ZNF462: variants seen among roughly 807,000 people sequenced by gnomAD.
The protein encoded by ZNF462 is zinc finger PBX1-interacting protein.
A neutral mutation model predicts 201.9 loss-of-function variants in ZNF462; 10 were observed. That is an observed-to-expected ratio of 0.05 (90% CI 0.03 to 0.08). The LOEUF (loss-of-function observed/expected upper bound fraction) is 0.08. ZNF462 is among the 10% of genes least tolerant of loss of function. The pLI is 1.00. For missense variants in ZNF462, 2,523 were observed against 3,168.3 expected (o/e 0.80, Z 4.89); for synonymous variants, 1,227 against 1,193.3 (o/e 1.03, Z -0.58).
intron 10 of ZNF462, among the ~76,000 whole-genome samples, chr9:107,001,352 A>G (rs2132612416): frequency 6.6e-6 from 1 of 152,300 alleles, no homozygotes; most frequent in Middle Eastern, 3.4e-3. Context: ...AAGCATTCCC[A>G]AGAGCCAAAA....
At chr9:106,881,707 A>C (rs563593442) in intron 1 of ZNF462, among the ~76,000 whole-genome samples, 33 of 152,238 alleles carry the variant, frequency 2.2e-4, no homozygotes, top group Admixed American at 9.8e-4. Context: ...GTACTGGTAA[A>C]ATTGACAAAC....
chr9:106,879,684 A>AT (rs1828006296), intron 1 of ZNF462, among the ~76,000 whole-genome samples: 1 of 152,166 alleles, frequency 6.6e-6, no homozygotes, highest in Non-Finnish European at 1.5e-5. Context: ...TGTAGTTGGT[A>AT]GAAGCCTGCA....
At position 107,009,432 on chromosome 9, in the gene ZNF462, A is replaced by T; in HGVS notation, c.7190-113A>T. The T allele has an allele frequency of 1.4e-6, 2 of 1,414,852 alleles. No individual in the cohort carries two copies. The highest frequency in any genetic ancestry group is 1.9e-6 in the Non-Finnish European group (2 of 1,044,138). The allele number at this position is 1,414,852 out of a possible 1,614,324, so 87.6% of individuals were successfully genotyped here. On this transcript the variant is annotated intron_variant, in intron 11 of 12. Coordinates refer to ENST00000277225, the MANE Select transcript of ZNF462 (RefSeq NM_021224.6). This position sits in a 1 kb window ranked among gnomAD's most constrained non-coding sequence, Gnocchi z 6.1. ...AGTGAGGAATCTGGAAATTGCTTTC[A>T]CCACATGGCTTTATCAGTGAAGGTA...
chr9:106,960,738 C>T (rs1831796294), intron 7 of ZNF462, among the ~76,000 whole-genome samples: 1 of 152,068 alleles, frequency 6.6e-6, no homozygotes, highest in South Asian at 2.1e-4. Flanking sequence ...TTTAAGAACA[C>T]ACACTTTGAA....
At chr9:106,988,917 C>A (rs906275732) in intron 10 of ZNF462, among the ~76,000 whole-genome samples, 1 of 152,068 alleles carries the variant, frequency 6.6e-6, no homozygotes, top group Non-Finnish European at 1.5e-5. Flanking sequence ...ATTCCTTTAT[C>A]GGTTCTAGGA....
rs1830379076 is a variant in ZNF462, at chr9:106,930,434, TAA to T, written c.5848-88_5848-87del. On this transcript the variant is annotated intron_variant, in intron 3 of 12. Coordinates refer to ENST00000277225, the MANE Select transcript of ZNF462 (RefSeq NM_021224.6). This position sits in a 1 kb window ranked among gnomAD's most constrained non-coding sequence, Gnocchi z 5.8. ...TGGTTTTTAACCTGCTAATCGGCTTTAAAATAAAGTATGTTAGTAAACTGCAA... is the reference window on the plus strand; with the variant it reads ...TGGTTTTTAACCTGCTAATCGGCTTTAATAAAGTATGTTAGTAAACTGCAA... The T allele has an allele frequency of 2.0e-6, 3 of 1,519,248 alleles. No individual in the cohort carries two copies. The highest frequency in any genetic ancestry group is 2.7e-6 in the Non-Finnish European group (3 of 1,122,040). The allele number at this position is 1,519,248 out of a possible 1,614,324, so 94.1% of individuals were successfully genotyped here.
At position 106,930,488 on chromosome 9, in the gene ZNF462, G is replaced by A. The variant is rs1349377170; in HGVS notation, c.5848-37G>A. The A allele has an allele frequency of 6.2e-7, 1 of 1,605,490 alleles. No individual in the cohort carries two copies. The highest frequency in any genetic ancestry group is 8.5e-7 in the Non-Finnish European group (1 of 1,173,460). ...AATAAATTCTGACAATTGAGGGAGG[G>A]CTCGGAGTACTGATGGCTACCACTG... On this transcript the variant is annotated intron_variant, in intron 3 of 12. Coordinates refer to ENST00000277225, the MANE Select transcript of ZNF462 (RefSeq NM_021224.6). This position sits in a 1 kb window ranked among gnomAD's most constrained non-coding sequence, Gnocchi z 5.8.
In ZNF462 at chr9:106,928,640, C is replaced by T. The variant is rs2131503573; in HGVS notation, c.4728C>T (p.Ala1576=). The T allele has an allele frequency of 1.2e-6, 2 of 1,614,166 alleles. No homozygotes were observed. The highest frequency in any genetic ancestry group is 1.7e-6 in the Non-Finnish European group (2 of 1,180,040). ...GGATCTTCAAGCAAGGGTATGGCGC[C>T]TACCGGTGCAAACTGTGTCCGTACA... is the stretch of plus-strand genomic sequence containing the variant. ...TSRIFKQGYG[A]YRCKLCPYTH... Residue 1576 remains alanine, a synonymous_variant, in exon 3 of 13, where the codon GCC becomes GCT. Transcript: ENST00000277225. The surrounding 1 kb of genome is among the most constrained non-coding windows in gnomAD (Gnocchi z 9.3).
intron 1 of ZNF462, among the ~76,000 whole-genome samples, chr9:106,914,625 C>T (rs918329765): frequency 6.6e-5 from 10 of 152,148 alleles, no homozygotes; most frequent in African/African-American, 2.4e-4. Flanking sequence ...TTTCTGAGTA[C>T]CTGTTGAGTA....
Position 106,930,510 on chromosome 9 carries a change from A to G in ZNF462, c.5848-15A>G, listed in dbSNP as rs1348439150. On this transcript the variant is annotated splice_polypyrimidine_tract_variant and intron_variant, in intron 3 of 12. Coordinates refer to ENST00000277225, the MANE Select transcript of ZNF462 (RefSeq NM_021224.6). The surrounding 1 kb of genome is among the most constrained non-coding windows in gnomAD (Gnocchi z 5.8). ...AGGGCTCGGAGTACTGATGGCTACC[A>G]CTGTATTTTACCAGCCTTTTGGTCA... 1 of 1,613,734 alleles carries G rather than the reference A, an allele frequency of 6.2e-7. No individual in the cohort carries two copies. Among genetic ancestry groups the G allele is most frequent in the Admixed American group, 1.7e-5 (1 of 59,994 alleles).
chr9:106,863,219 C>A lies in ZNF462; in HGVS notation c.-167C>A. ...AGATGGCGATCCTCCATTGCTGAGA[C>A]CCGGCAGAAGCACATGAGACTCCCA... On this transcript the variant is annotated 5_prime_UTR_variant, in exon 1 of 13. Transcript: ENST00000277225. 5.0e-6 allele frequency: 2 copies of A among 399,240 alleles called. No homozygotes were observed. The highest frequency in any genetic ancestry group is 8.8e-6 in the Non-Finnish European group (2 of 226,350). 24.7% of individuals were successfully genotyped at this position (399,240 alleles called of 1,614,324 possible).
At chr9:106,956,204 A>G (rs138497173) in intron 7 of ZNF462, among the ~76,000 whole-genome samples, 1 of 152,162 alleles carries the variant, frequency 6.6e-6, no homozygotes, top group East Asian at 1.9e-4. Context: ...AATGGAAATT[A>G]CTCCTTGATC....
chr9:106,961,159 C>T (rs1407153667), intron 7 of ZNF462, among the ~76,000 whole-genome samples: 3 of 152,008 alleles, frequency 2.0e-5, no homozygotes, highest in Admixed American at 6.6e-5. Context: ...TCACAAACAT[C>T]GATGCCTACT....
chr9:106,921,305 G>T (rs1829982050), intron 1 of ZNF462, among the ~76,000 whole-genome samples: 1 of 152,196 alleles, frequency 6.6e-6, no homozygotes. Flanking sequence ...TGGAGATCTT[G>T]GTGAATGACA....
chr9:106,898,432 G>T (rs1002788467), intron 1 of ZNF462, among the ~76,000 whole-genome samples: 4 of 152,116 alleles, frequency 2.6e-5, no homozygotes, highest in Non-Finnish European at 5.9e-5. Flanking sequence ...GTGGAGGGGG[G>T]GTCATTTGGT....
At chr9:106,973,196 A>G (rs1826725725) in intron 8 of ZNF462, among the ~76,000 whole-genome samples, 3 of 152,126 alleles carry the variant, frequency 2.0e-5, no homozygotes, top group South Asian at 2.1e-4. Context: ...ATTAGATATC[A>G]TAGATAAAAA....
At chr9:106,907,194 T>G (rs891756478) in intron 1 of ZNF462, among the ~76,000 whole-genome samples, 1 of 152,178 alleles carries the variant, frequency 6.6e-6, no homozygotes, top group Non-Finnish European at 1.5e-5. Context: ...GATTTTATTT[T>G]GAATTTCTGC....
At chr9:106,985,519 T>C (rs975511420) in intron 10 of ZNF462, among the ~76,000 whole-genome samples, 1 of 152,186 alleles carries the variant, frequency 6.6e-6, no homozygotes, top group South Asian at 2.1e-4. Flanking sequence ...TTTCTGGTAT[T>C]GCCCAGAGTA....
intron 1 of ZNF462, among the ~76,000 whole-genome samples, chr9:106,908,906 TA>T (rs1829389123): frequency 5.2e-5 from 4 of 76,762 alleles, no homozygotes; most frequent in Non-Finnish European, 9.7e-5. Flanking sequence ...TTTGCCCATA[TA>T]TACATATATA....
Sources: allele counts gnomAD v4.1 joint callset (sites outside exome capture counted in the v4.1 genomes callset), GRCh38; gene constraint gnomAD v4.1.1; non-coding constraint Gnocchi (gnomAD v3.1); transcripts MANE v1.5; gene names NCBI Gene and HGNC (gene_info 2026-07-23, HGNC 2026-07-21).